Variants in TMEM260 observed in about 807,000 individuals in gnomAD.
TMEM260 encodes the protein protein O-mannosyl-transferase TMEM260.
A neutral mutation model predicts 88.9 loss-of-function variants in TMEM260; 82 were observed. That is an observed-to-expected ratio of 0.92 (90% CI 0.77 to 1.11). TMEM260 has a LOEUF of 1.11. Among genes scored for constraint, TMEM260 ranks in the 50% least tolerant of loss-of-function variants. The pLI, the probability that TMEM260 is intolerant of heterozygous loss-of-function variation, is 0.00. For synonymous variants in TMEM260, 314 were observed against 309.3 expected, an observed-to-expected ratio of 1.02 and a Z score of -0.16; for missense variants, 902 against 853.4, an observed-to-expected ratio of 1.06 and a Z score of -0.71.
At position 56,606,103 on chromosome 14, in the gene TMEM260, C is replaced by T. The variant is rs971501818; in HGVS notation, c.636+420C>T. On this transcript the variant is annotated intron_variant, in intron 5 of 15. Transcript: ENST00000261556. The stretch of plus-strand genomic sequence containing the variant: ...AAGAGTCAGCTCTCAACAAAACAGA[C>T]ATCGCTTCTATTGTGAACTAAATAA... 3.3e-5 allele frequency among the ~76,000 whole-genome samples: 5 copies of T among 152,190 alleles called. No homozygotes were observed. In the East Asian group the frequency reaches 9.6e-4, roughly 29 times the overall value.
chr14:56,653,604 C>T (rs924825135), downstream of TMEM260, among the ~76,000 whole-genome samples: 1 of 151,524 alleles, frequency 6.6e-6, no homozygotes, highest in African/African-American at 2.4e-5. Flanking sequence ...CGAGGTGGTG[C>T]GCACCTTTAA....
intron 7 of TMEM260, among the ~76,000 whole-genome samples, chr14:56,614,449 T>C (rs1021086694): frequency 7.2e-5 from 11 of 152,176 alleles, no homozygotes; most frequent in African/African-American, 2.7e-4. Context: ...TATTCTGCTT[T>C]GCTCCATGCA....
chr14:56,606,106 C>T (rs1158976151), intron 5 of TMEM260, among the ~76,000 whole-genome samples: 3 of 152,126 alleles, frequency 2.0e-5, no homozygotes, highest in Non-Finnish European at 4.4e-5. Flanking sequence ...AAACAGACAT[C>T]GCTTCTATTG....
At chr14:56,587,820 T>C (rs1296923880) in intron 3 of TMEM260, among the ~76,000 whole-genome samples, 1 of 152,024 alleles carries the variant, frequency 6.6e-6, no homozygotes, top group Non-Finnish European at 1.5e-5. Flanking sequence ...TGTCAAACAA[T>C]AGACACCCTT....
chr14:56,652,532 T>TTA (rs1323082552), downstream of TMEM260, among the ~76,000 whole-genome samples: 1 of 151,856 alleles, frequency 6.6e-6, no homozygotes, highest in African/African-American at 2.4e-5. Context: ...TCAAGAGCTT[T>TTA]TAAAAATTAC....
At chr14:56,598,203 C>CT (rs1464186856) in intron 3 of TMEM260, among the ~76,000 whole-genome samples, 1 of 151,674 alleles carries the variant, frequency 6.6e-6, no homozygotes, top group Non-Finnish European at 1.5e-5. Context: ...AAATAACCAG[C>CT]TTTAAAGAAA....
intron 8 of TMEM260, 183 bp downstream of exon 8, chr14:56,616,210 A>C: frequency 2.0e-6 from 1 of 509,458 alleles, no homozygotes; most frequent in Non-Finnish European, 3.5e-6. Flanking sequence ...TAAATCAATG[A>C]TTTCAAGAAA....
At chr14:56,630,790 T>C (rs1215506877) in intron 12 of TMEM260, among the ~76,000 whole-genome samples, 1 of 152,184 alleles carries the variant, frequency 6.6e-6, no homozygotes. Context: ...TGGGTCTTAT[T>C]TAAATCCCAA....
At chr14:56,628,998 C>G (rs193140313) in intron 12 of TMEM260, among the ~76,000 whole-genome samples, 5 of 151,666 alleles carry the variant, frequency 3.3e-5, no homozygotes, top group African/African-American at 1.2e-4. Flanking sequence ...CAGGTTATAG[C>G]GATTCTCCTG....
intron 1 of TMEM260, among the ~76,000 whole-genome samples, chr14:56,581,251 AG>A (rs1357125817): frequency 4.6e-5 from 7 of 152,180 alleles, no homozygotes; most frequent in Non-Finnish European, 5.9e-5. Flanking sequence ...CCCATATTCA[AG>A]GGGGAAGGAT....
intron 9 of TMEM260, 21 bp downstream of exon 9, chr14:56,617,318 T>G: frequency 6.7e-7 from 1 of 1,485,748 alleles, no homozygotes; most frequent in South Asian, 1.2e-5. Context: ...CTTAGATATA[T>G]CCTTTGACCA....
chr14:56,631,737 G>C (rs765384347), intron 12 of TMEM260, among the ~76,000 whole-genome samples: 9 of 152,112 alleles, frequency 5.9e-5, no homozygotes, highest in Non-Finnish European at 1.0e-4. Context: ...GTTAAACTCT[G>C]CTGTTTTGCC....
Position 56,607,656 on chromosome 14 carries a change from G to A in TMEM260, c.637-1450G>A, listed in dbSNP as rs1247935693. ...CAGATGTACATGTGTATATAGTAAT[G>A]TAGGTACATATGTATATATCTGTAT... On this transcript the variant is annotated intron_variant, in intron 5 of 15. Coordinates refer to ENST00000261556, the MANE Select transcript of TMEM260 (RefSeq NM_017799.4). Among the ~76,000 whole-genome samples the A allele has an allele frequency of 3.3e-5, 5 of 152,230 alleles. No homozygotes were observed. The East Asian group carries it at 9.7e-4, about 29-fold the overall frequency.
At chr14:56,645,983 G>T (rs1194624091) in intron 15 of TMEM260, among the ~76,000 whole-genome samples, 1 of 152,142 alleles carries the variant, frequency 6.6e-6, no homozygotes, top group African/African-American at 2.4e-5. Context: ...AACTAGAGAT[G>T]GGGTCTTGCT....
chr14:56,614,473 C>T (rs1278589923), intron 7 of TMEM260, among the ~76,000 whole-genome samples: 1 of 152,138 alleles, frequency 6.6e-6, no homozygotes, highest in Non-Finnish European at 1.5e-5. Context: ...GGACTCACTG[C>T]CTGCTCTTTT....
chr14:56,585,642 T>G, intron 2 of TMEM260, 119 bp from the exon 3 acceptor site: 1 of 898,988 alleles, frequency 1.1e-6, no homozygotes, highest in Non-Finnish European at 1.7e-6. Context: ...TTCAAACATT[T>G]AGTCATTGGT....
intron 6 of TMEM260, among the ~76,000 whole-genome samples, chr14:56,611,753 A>G (rs1887290516): frequency 6.6e-6 from 1 of 152,208 alleles, no homozygotes; most frequent in African/African-American, 2.4e-5. Flanking sequence ...GTTCATCACA[A>G]CACTATTCAC....
intron 3 of TMEM260, among the ~76,000 whole-genome samples, chr14:56,602,670 G>T (rs1886647258): frequency 6.6e-6 from 1 of 152,106 alleles, no homozygotes. Flanking sequence ...AAATAATAAT[G>T]TGTTGAATCA....
At chr14:56,661,730 T>A in the TMEM260 span, among the ~76,000 whole-genome samples, 8 of 152,342 alleles carry the variant, frequency 5.3e-5, no homozygotes, top group African/African-American at 1.9e-4. Flanking sequence ...GGAATAATTG[T>A]CCTTTCTCAC....
Sources: gnomAD v4.1 joint callset for allele counts (sites outside exome capture counted in the v4.1 genomes callset) on GRCh38, gnomAD v4.1.1 for gene constraint, MANE v1.5 for transcripts, NCBI Gene and HGNC (gene_info 2026-07-23, HGNC 2026-07-21) for gene names.